ZC3H12B: variants seen among roughly 807,000 people sequenced by gnomAD.
ZC3H12B encodes the protein probable ribonuclease ZC3H12B.
A neutral mutation model predicts 43.9 loss-of-function variants in ZC3H12B; 7 were observed. That is an observed-to-expected ratio of 0.16 (90% CI 0.09 to 0.30). The LOEUF is 0.30. ZC3H12B is among the 10% of genes least tolerant of loss of function. ZC3H12B has a pLI of 1.00. For synonymous variants in ZC3H12B, 222 were observed against 241.7 expected (o/e 0.92, Z 0.76); for missense variants, 475 against 670.2 (o/e 0.71, Z 3.22).
chrX:65,144,074 G>T, the ZC3H12B span, among the ~76,000 whole-genome samples: 4 of 111,521 alleles, frequency 3.6e-5, no homozygotes, highest in Admixed American at 3.8e-4. Context: ...CAGTAGGATT[G>T]GTTCCAATTT....
chrX:65,260,422 T>C, the ZC3H12B span, among the ~76,000 whole-genome samples: 1 of 110,976 alleles, frequency 9.0e-6, no homozygotes, highest in Admixed American at 9.6e-5. Flanking sequence ...CTTGAGGGTG[T>C]AGGGTGGGAA....
intron 2 of ZC3H12B, among the ~76,000 whole-genome samples, chrX:65,385,694 G>C (rs972706804): frequency 2.2e-4 from 25 of 111,659 alleles, no homozygotes; most frequent in African/African-American, 8.1e-4. Context: ...GAATAGGAAT[G>C]GTGAGAGAGG....
chrX:65,202,461 A>C, the ZC3H12B span, among the ~76,000 whole-genome samples: 1 of 109,879 alleles, frequency 9.1e-6, no homozygotes, highest in Non-Finnish European at 1.9e-5. Flanking sequence ...CTCAAATCCC[A>C]GTAATGCTGT....
At chrX:65,157,841 A>C in the ZC3H12B span, among the ~76,000 whole-genome samples, 1 of 106,745 alleles carries the variant, frequency 9.4e-6, no homozygotes, top group Non-Finnish European at 1.9e-5. Flanking sequence ...TTACATATGT[A>C]TACATGTGCC....
chrX:65,050,920 G>C, the ZC3H12B span, among the ~76,000 whole-genome samples: 1 of 111,229 alleles, frequency 9.0e-6, no homozygotes, highest in Non-Finnish European at 1.9e-5. Flanking sequence ...TTTGTTAAAA[G>C]GGTAATGCTG....
At chrX:65,182,121 A>T in the ZC3H12B span, among the ~76,000 whole-genome samples, 4 of 111,501 alleles carry the variant, frequency 3.6e-5, no homozygotes, top group Non-Finnish European at 7.5e-5. Context: ...ATGAAGCTGG[A>T]AGTCATTATT....
the ZC3H12B span, among the ~76,000 whole-genome samples, chrX:65,340,920 G>A: frequency 1.8e-5 from 2 of 112,010 alleles, no homozygotes; most frequent in African/African-American, 6.5e-5. Context: ...TTGAGATGCA[G>A]AATATGTTGA....
At chrX:65,381,545 T>A (rs2066439964) in intron 2 of ZC3H12B, among the ~76,000 whole-genome samples, 1 of 110,584 alleles carries the variant, frequency 9.0e-6, no homozygotes, top group Non-Finnish European at 1.9e-5. Context: ...TTAAAAGAAC[T>A]AGAAAAGCAA....
intron 3 of ZC3H12B, among the ~76,000 whole-genome samples, chrX:65,444,546 G>A (rs1236703326): frequency 8.9e-6 from 1 of 112,460 alleles, no homozygotes; most frequent in Non-Finnish European, 1.9e-5. Flanking sequence ...GGAACTGTAA[G>A]TCCATTAAAC....
chrX:65,297,779 G>A, the ZC3H12B span, among the ~76,000 whole-genome samples: 1 of 111,712 alleles, frequency 9.0e-6, no homozygotes, highest in South Asian at 3.7e-4. Context: ...AAACAGCATG[G>A]TACTGGCATA....
At chrX:65,169,401 G>C in the ZC3H12B span, among the ~76,000 whole-genome samples, 3 of 112,029 alleles carry the variant, frequency 2.7e-5, no homozygotes, top group South Asian at 3.7e-4. Context: ...CTGAGAGACA[G>C]TTTGTTATAA....
At chrX:65,438,205 G>A (rs1019082503) in intron 3 of ZC3H12B, among the ~76,000 whole-genome samples, 5 of 110,550 alleles carry the variant, frequency 4.5e-5, no homozygotes, top group African/African-American at 1.3e-4. Flanking sequence ...GGCTATTCTG[G>A]GTCCTTTGTG....
At chrX:65,221,115 A>G in the ZC3H12B span, among the ~76,000 whole-genome samples, 1 of 112,044 alleles carries the variant, frequency 8.9e-6, no homozygotes, top group Non-Finnish European at 1.9e-5. Flanking sequence ...GGTCAACAAT[A>G]AAATCAAGAT....
chrX:65,380,992 A>C (rs7891029), intron 2 of ZC3H12B, among the ~76,000 whole-genome samples: 2,321 of 111,211 alleles, frequency 0.021, 57 homozygotes, highest in African/African-American at 0.072. Flanking sequence ...TAGACTCCCA[A>C]ACATTAATAA....
chrX:65,499,063 C>T (rs1049518022), exon 3 of ZC3H12B: 11 of 1,211,170 alleles, frequency 9.1e-6, no homozygotes, highest in Non-Finnish European at 1.2e-5. Flanking sequence ...CCCGAAGAGT[C>T]CAAGGCAGGA....
chrX:65,445,883 T>C (rs1449410312), intron 3 of ZC3H12B, among the ~76,000 whole-genome samples: 2 of 112,198 alleles, frequency 1.8e-5, no homozygotes, highest in African/African-American at 6.5e-5. Flanking sequence ...AAGTGCTTTT[T>C]ACTCTTTCCT....
the ZC3H12B span, among the ~76,000 whole-genome samples, chrX:65,202,149 A>G: frequency 1.4e-5 from 1 of 70,486 alleles, no homozygotes; most frequent in Admixed American, 1.5e-4. Context: ...TATAATATGA[A>G]ATATATATTA....
At chrX:65,041,634 C>T in the ZC3H12B span, among the ~76,000 whole-genome samples, 1 of 111,999 alleles carries the variant, frequency 8.9e-6, no homozygotes, top group African/African-American at 3.2e-5. Context: ...ATTCTGTGCA[C>T]TTACAAACTC....
At chrX:65,374,095 A>ACAC (rs2066308152) in intron 2 of ZC3H12B, among the ~76,000 whole-genome samples, 1 of 57,818 alleles carries the variant, frequency 1.7e-5, no homozygotes, top group African/African-American at 2.3e-4. Flanking sequence ...TAGTATATAT[A>ACAC]TAACTATATA....
Sources: gnomAD v4.1 joint callset for allele counts (sites outside exome capture counted in the v4.1 genomes callset) on GRCh38, gnomAD v4.1.1 for gene constraint, MANE v1.5 for transcripts, NCBI Gene and HGNC (gene_info 2026-07-23, HGNC 2026-07-21) for gene names.